RBM26: variants seen among roughly 807,000 people sequenced by gnomAD.
RBM26 encodes the protein RNA binding motif protein 26, also known as RNA-binding protein 26.
Under a neutral mutation model 123.6 loss-of-function variants are expected in RBM26, and 30 were observed. The observed-to-expected ratio is 0.24, with a 90% confidence interval of 0.18 to 0.33. RBM26 has a LOEUF of 0.33. Ranked by LOEUF, RBM26 falls within the 10% of genes least tolerant of loss-of-function variation. The pLI is 1.00. For synonymous variants in RBM26, 400 were observed against 404.4 expected (o/e 0.99, Z 0.13); for missense variants, 947 against 1,203.6 (o/e 0.79, Z 3.15).
chr13:79,354,938 A>G (rs2073792706), intron 12 of RBM26, among the ~76,000 whole-genome samples: 1 of 152,216 alleles, frequency 6.6e-6, no homozygotes, highest in Non-Finnish European at 1.5e-5. Context: ...TACAGTCTAA[A>G]TTTCTGGAAT....
intron 5 of RBM26, 151 bp downstream of exon 5, chr13:79,370,794 T>C: frequency 1.2e-6 from 1 of 834,268 alleles, no homozygotes. Flanking sequence ...AATAAAACTT[T>C]TAAAGGAATT....
rs377679762 is a variant in RBM26, at chr13:79,342,613, G to A, written c.2427+51C>T. 31 of 1,405,844 alleles carry A rather than the reference G, an allele frequency of 2.2e-5. No individual in the cohort carries two copies. In the African/African-American group the frequency reaches 4.2e-4, roughly 19 times the overall value. The allele number at this position is 1,405,844 out of a possible 1,614,324, so 87.1% of individuals were successfully genotyped here. A position where few individuals can be genotyped will look rare whatever the true frequency, so the allele number is the denominator to read the frequency against. On this transcript the variant is annotated intron_variant, in intron 17 of 21. Coordinates refer to ENST00000438737, the MANE Select transcript of RBM26 (RefSeq NM_001366735.2). ...AAAAACTGAATCTTAAAAATGTAGT[G>A]TCTAATGCTTGTTAATAAGTAATAA...
intron 1 of RBM26, among the ~76,000 whole-genome samples, chr13:79,381,526 G>A (rs1299118867): frequency 6.6e-6 from 1 of 151,936 alleles, no homozygotes; most frequent in African/African-American, 2.4e-5. Context: ...TTTGATTGTT[G>A]TGGTGAATTT....
chr13:79,380,411 G>A (rs2076987762), intron 1 of RBM26, among the ~76,000 whole-genome samples: 1 of 151,690 alleles, frequency 6.6e-6, no homozygotes, highest in Non-Finnish European at 1.5e-5. Context: ...ATATATATGT[G>A]GAAGGATAAA....
chr13:79,366,034 T>A, intron 8 of RBM26, 21 bp downstream of exon 8: 1 of 1,609,510 alleles, frequency 6.2e-7, no homozygotes, highest in Non-Finnish European at 8.5e-7. Flanking sequence ...ATTACGAATA[T>A]AAAAAGGGCC....
rs1453260722 is a variant in RBM26 at position 79,344,098 on chromosome 13, AT to A, written c.2259+149del. The A allele has an allele frequency of 4.4e-6, 3 of 675,684 alleles. No individual in the cohort carries two copies. In the East Asian group the frequency reaches 8.2e-5, roughly 18 times the overall value. 41.9% of individuals were successfully genotyped at this position (675,684 alleles called of 1,614,324 possible). ...ATAAAGTATACCCACCATCTGATGT[AT>A]GCTCTTCATCTCCAATATTATCACT... On this transcript the variant is annotated intron_variant, in intron 16 of 21. Coordinates refer to ENST00000438737, the MANE Select transcript of RBM26 (RefSeq NM_001366735.2).
At position 79,319,139 on chromosome 13, in the gene RBM26, G is replaced by C. The variant is rs537694047; in HGVS notation, c.*1482C>G. ...CACACAACTTCAACCCCAATTAGGGGTGTATGGGGAAGAAGAAAAAGAACA... is the reference window on the plus strand; with the variant it reads ...CACACAACTTCAACCCCAATTAGGGCTGTATGGGGAAGAAGAAAAAGAACA... On this transcript the variant is annotated 3_prime_UTR_variant, in exon 22 of 22. Transcript: ENST00000438737. The C allele has an allele frequency of 1.3e-4, 129 of 984,590 alleles. 2 individuals carry two copies. The South Asian group carries it at 5.3e-3, about 40-fold the overall frequency. 61.0% of individuals were successfully genotyped at this position (984,590 alleles called of 1,614,324 possible).
At position 79,405,833 on chromosome 13, in the gene RBM26, G is replaced by GCCGCCGCTGCCC. The variant is rs2079486824; in HGVS notation, c.-71_-60dup. 1.8e-6 allele frequency: 2 copies of GCCGCCGCTGCCC among 1,107,560 alleles called. No individual in the cohort carries two copies. Among genetic ancestry groups the GCCGCCGCTGCCC allele is most frequent in the African/African-American group, 3.2e-5 (2 of 62,824 alleles). The allele number at this position is 1,107,560 out of a possible 1,614,324, so 68.6% of individuals were successfully genotyped here. On this transcript the variant is annotated 5_prime_UTR_variant, in exon 1 of 22. Transcript: ENST00000438737. ...GCCCGCCCAGGTCGCGGCCGCTACAGCCGCCGCTGCCCCCGCCCCCTCCTC... is the reference window on the plus strand; with the variant it reads ...GCCCGCCCAGGTCGCGGCCGCTACAGCCGCCGCTGCCCCCGCCGCTGCCCCCGCCCCCTCCTC...
chr13:79,328,172 A>G (rs939454385), intron 20 of RBM26, among the ~76,000 whole-genome samples: 2 of 152,154 alleles, frequency 1.3e-5, no homozygotes, highest in Admixed American at 6.6e-5. Context: ...CACCTAAAAC[A>G]TACCAGCAAG....
intron 11 of RBM26, among the ~76,000 whole-genome samples, chr13:79,358,037 C>A (rs1413299908): frequency 6.6e-6 from 1 of 152,010 alleles, no homozygotes; most frequent in African/African-American, 2.4e-5. Context: ...TGCCTGCCAC[C>A]ACACCGAGCT....
chr13:79,391,212 C>A (rs894773389), intron 1 of RBM26, among the ~76,000 whole-genome samples: 1 of 152,122 alleles, frequency 6.6e-6, no homozygotes, highest in South Asian at 2.1e-4. Flanking sequence ...ATTTGTAGCA[C>A]GCATATAGTC....
intron 14 of RBM26, among the ~76,000 whole-genome samples, chr13:79,349,400 T>A (rs2072852181): frequency 6.6e-6 from 1 of 152,152 alleles, no homozygotes; most frequent in East Asian, 1.9e-4. Context: ...TTCAACTTTT[T>A]AAGATTCCAC....
At chr13:79,392,253 T>C (rs1484342267) in intron 1 of RBM26, among the ~76,000 whole-genome samples, 2 of 131,140 alleles carry the variant, frequency 1.5e-5, no homozygotes, top group Admixed American at 8.5e-5. Flanking sequence ...CAATAATACA[T>C]AATTATTATA....
At chr13:79,356,743 G>A (rs909808381) in intron 11 of RBM26, among the ~76,000 whole-genome samples, 2 of 152,114 alleles carry the variant, frequency 1.3e-5, no homozygotes, top group Non-Finnish European at 1.5e-5. Context: ...CATGTTTTAA[G>A]AACAATAATA....
At chr13:79,358,161 G>A in intron 11 of RBM26, 113 bp downstream of exon 11, 1 of 930,356 alleles carries the variant, frequency 1.1e-6, no homozygotes, top group South Asian at 2.0e-5. Flanking sequence ...GGGATTACAG[G>A]CGTGAACCAC....
intron 17 of RBM26, among the ~76,000 whole-genome samples, chr13:79,341,520 A>G (rs2071375033): frequency 6.6e-6 from 1 of 151,840 alleles, no homozygotes; most frequent in Non-Finnish European, 1.5e-5. Context: ...AGGAAAAGTA[A>G]AAAACAAACC....
chr13:79,395,574 T>C (rs1594738527), intron 1 of RBM26, among the ~76,000 whole-genome samples: 1 of 151,784 alleles, frequency 6.6e-6, no homozygotes, highest in East Asian at 1.9e-4. Flanking sequence ...ACCCCATCTC[T>C]ACAAAAAAAA....
At chr13:79,326,089 C>T (rs1041241181) in intron 20 of RBM26, among the ~76,000 whole-genome samples, 2 of 152,148 alleles carry the variant, frequency 1.3e-5, no homozygotes, top group African/African-American at 4.8e-5. Context: ...TAAATACACT[C>T]TGTGATGTGT....
chr13:79,344,591 T>G, intron 15 of RBM26, 78 bp downstream of exon 15: 1 of 1,285,398 alleles, frequency 7.8e-7, no homozygotes, highest in Admixed American at 2.0e-5. Context: ...TATTTTGCAA[T>G]AAGCACTGAA....
Sources: allele counts gnomAD v4.1 joint callset (sites outside exome capture counted in the v4.1 genomes callset), GRCh38; gene constraint gnomAD v4.1.1; transcripts MANE v1.5; gene names NCBI Gene and HGNC (gene_info 2026-07-23, HGNC 2026-07-21).